Variants in STX8 observed in about 807,000 individuals in gnomAD.
STX8 encodes syntaxin 8, also known as syntaxin-8.
A neutral mutation model predicts 37.5 loss-of-function variants in STX8; 23 were observed. That is an observed-to-expected ratio of 0.61 (90% confidence interval 0.44 to 0.87). The LOEUF is 0.87. Among genes scored for constraint, STX8 ranks in the 40% least tolerant of loss-of-function variants. The pLI, the probability that STX8 is intolerant of heterozygous loss-of-function variation, is 0.00. For missense variants in STX8, 313 were observed against 284.7 expected (o/e 1.10, Z -0.71); for synonymous variants, 115 against 99.1 (o/e 1.16, Z -0.95).
intron 6 of STX8, among the ~76,000 whole-genome samples, chr17:9,390,414 C>G (rs969978809): frequency 3.3e-5 from 5 of 151,734 alleles, no homozygotes; most frequent in African/African-American, 1.2e-4. Flanking sequence ...CCCAGCTACT[C>G]AGGAGGCTGA....
At chr17:9,263,304 C>T (rs1907113899) in intron 7 of STX8, among the ~76,000 whole-genome samples, 3 of 152,074 alleles carry the variant, frequency 2.0e-5, no homozygotes, top group Non-Finnish European at 4.4e-5. Context: ...TGGAGAAACC[C>T]CATCCTCTAC....
At chr17:9,356,414 G>T (rs894487261) in intron 7 of STX8, among the ~76,000 whole-genome samples, 2 of 152,130 alleles carry the variant, frequency 1.3e-5, no homozygotes, top group Non-Finnish European at 2.9e-5. Flanking sequence ...TGATTGTCAG[G>T]AGAATATATG....
chr17:9,319,584 C>T (rs1036612610), intron 7 of STX8, among the ~76,000 whole-genome samples: 2 of 152,128 alleles, frequency 1.3e-5, no homozygotes, highest in African/African-American at 4.8e-5. Flanking sequence ...CAGACTGGAA[C>T]AAGAAGCCAG....
intron 4 of STX8, among the ~76,000 whole-genome samples, chr17:9,541,728 TG>T (rs1906285070): frequency 6.6e-6 from 1 of 151,968 alleles, no homozygotes. Context: ...TTTAGAATCT[TG>T]AACCCTCTGA....
intron 6 of STX8, among the ~76,000 whole-genome samples, chr17:9,379,467 C>A (rs887549503): frequency 2.0e-5 from 3 of 152,064 alleles, no homozygotes; most frequent in Non-Finnish European, 4.4e-5. Context: ...AATGTAATTC[C>A]AACTGAAAAA....
chr17:9,538,408 C>T (rs1279913264), intron 4 of STX8, among the ~76,000 whole-genome samples: 1 of 149,778 alleles, frequency 6.7e-6, no homozygotes, highest in African/African-American at 2.6e-5. Context: ...ATAAATCATC[C>T]TTCTTGTAAA....
chr17:9,276,786 C>A (rs1051789510), intron 7 of STX8, among the ~76,000 whole-genome samples: 2 of 151,730 alleles, frequency 1.3e-5, no homozygotes, highest in African/African-American at 2.4e-5. Context: ...CAGGTGCCCA[C>A]CACCACGCTC....
chr17:9,324,036 T>A (rs1475177826), intron 7 of STX8, among the ~76,000 whole-genome samples: 1 of 151,390 alleles, frequency 6.6e-6, no homozygotes, highest in Non-Finnish European at 1.5e-5. Context: ...ATGAGAAAAC[T>A]GAAGCAATGG....
chr17:9,371,571 T>C (rs1911402085), intron 7 of STX8, among the ~76,000 whole-genome samples: 2 of 152,244 alleles, frequency 1.3e-5, no homozygotes, highest in South Asian at 2.1e-4. Context: ...ATTAAGATCA[T>C]AATTTAACTG....
chr17:9,344,488 T>C (rs1284285720), intron 7 of STX8, among the ~76,000 whole-genome samples: 1 of 152,150 alleles, frequency 6.6e-6, no homozygotes, highest in African/African-American at 2.4e-5. Flanking sequence ...CTCAAACTCC[T>C]GACCTCAGGT....
chr17:9,397,745 A>C (rs1912455385), intron 6 of STX8, among the ~76,000 whole-genome samples: 1 of 152,004 alleles, frequency 6.6e-6, no homozygotes, highest in East Asian at 1.9e-4. Flanking sequence ...GGAGGTCAAG[A>C]GGGGTGATCA....
chr17:9,490,371 G>T (rs1271535242), intron 6 of STX8, among the ~76,000 whole-genome samples: 1 of 109,354 alleles, frequency 9.1e-6, no homozygotes, highest in East Asian at 2.0e-4. Context: ...GCTCATACAT[G>T]ATAACTTTTC....
rs36182960 is a variant in STX8 at position 9,255,557 on chromosome 17, T to A, written c.644-4912A>T. On this transcript the variant is annotated intron_variant, in intron 7 of 7. Coordinates refer to ENST00000306357, the MANE Select transcript of STX8 (RefSeq NM_004853.3). ...AAATAAATAAATAAATAAATAAATATATAAATAAATAAATAAATAAATAAA... is the reference window on the plus strand; with the variant it reads ...AAATAAATAAATAAATAAATAAATAAATAAATAAATAAATAAATAAATAAA... Among the ~76,000 whole-genome samples the A allele has an allele frequency of 4.6e-3, 510 of 109,750 alleles. 2 individuals carry two copies. The highest frequency in any genetic ancestry group is 0.014 in the African/African-American group (366 of 25,658). The allele number at this position is 109,750 out of a possible 152,430, so 72.0% of individuals were successfully genotyped here. A position where few individuals can be genotyped will look rare whatever the true frequency, so the allele number is the denominator to read the frequency against.
intron 7 of STX8, among the ~76,000 whole-genome samples, chr17:9,348,739 A>T (rs73270048): frequency 0.044 from 6,698 of 152,234 alleles, 464 homozygotes; most frequent in African/African-American, 0.15. Flanking sequence ...TCAGGATGTA[A>T]ATCTAAACTG....
chr17:9,264,574 T>A (rs1907162988), intron 7 of STX8, among the ~76,000 whole-genome samples: 1 of 152,092 alleles, frequency 6.6e-6, no homozygotes, highest in African/African-American at 2.4e-5. Flanking sequence ...CAAAGTTCTG[T>A]GATTACAGGC....
chr17:9,359,044 T>A (rs1910972784), intron 7 of STX8, among the ~76,000 whole-genome samples: 1 of 151,696 alleles, frequency 6.6e-6, no homozygotes, highest in South Asian at 2.1e-4. Context: ...AGGCTTTTTT[T>A]TTTCTTTTTT....
At chr17:9,455,842 T>C (rs1905171871) in intron 6 of STX8, among the ~76,000 whole-genome samples, 1 of 152,088 alleles carries the variant, frequency 6.6e-6, no homozygotes, top group South Asian at 2.1e-4. Flanking sequence ...TCTCTGAAAA[T>C]TATTTCTAAA....
chr17:9,490,727 T>C (rs776736320), intron 6 of STX8, among the ~76,000 whole-genome samples: 1 of 152,180 alleles, frequency 6.6e-6, no homozygotes, highest in East Asian at 1.9e-4. Flanking sequence ...TTAGATAGAA[T>C]ACTTTACATT....
intron 7 of STX8, among the ~76,000 whole-genome samples, chr17:9,291,347 G>A (rs946755202): frequency 4.0e-5 from 6 of 151,696 alleles, no homozygotes; most frequent in Admixed American, 3.3e-4. Flanking sequence ...TCAGGAGGGA[G>A]GGAGGATCAC....
Sources: gnomAD v4.1 joint callset for allele counts (sites outside exome capture counted in the v4.1 genomes callset) on GRCh38, gnomAD v4.1.1 for gene constraint, MANE v1.5 for transcripts, NCBI Gene and HGNC (gene_info 2026-07-23, HGNC 2026-07-21) for gene names.